ASTL: variants seen among roughly 807,000 people sequenced by gnomAD.
ASTL encodes astacin-like metalloendopeptidase.
In ASTL, 27 loss-of-function variants were observed where a neutral mutation model predicts 36.7. The observed-to-expected ratio is 0.73, with a 90% confidence interval of 0.54 to 1.01. The LOEUF (loss-of-function observed/expected upper bound fraction) is 1.01. Ranked by LOEUF, ASTL falls within the 50% of genes least tolerant of loss-of-function variation. The pLI is 0.00. For synonymous variants in ASTL, 222 were observed against 228.1 expected (o/e 0.97, Z 0.24); for missense variants, 524 against 572.8 (o/e 0.91, Z 0.87).
At chr2:96,125,475 CA>C (rs925840591) in intron 8 of ASTL, among the ~76,000 whole-genome samples, 1 of 152,116 alleles carries the variant, frequency 6.6e-6, no homozygotes, top group Non-Finnish European at 1.5e-5. Context: ...AGCCTTTTTC[CA>C]AACATTCTGG....
At chr2:96,133,635 CA>C in intron 4 of ASTL, 93 bp from the exon 5 acceptor site, 1 of 924,892 alleles carries the variant, frequency 1.1e-6, no homozygotes, top group Non-Finnish European at 1.8e-6. Flanking sequence ...CTCACTCTCC[CA>C]AAATAGCATC....
intron 1 of ASTL, 116 bp from the exon 2 acceptor site, chr2:96,137,816 G>T: frequency 9.2e-7 from 1 of 1,088,544 alleles, no homozygotes; most frequent in Non-Finnish European, 1.3e-6. Context: ...TCCCTAGGAA[G>T]AGTAGGCTCC....
intron 5 of ASTL, among the ~76,000 whole-genome samples, 174 bp downstream of exon 5, chr2:96,133,251 C>A (rs1048911561): frequency 6.6e-6 from 1 of 152,224 alleles, no homozygotes; most frequent in Non-Finnish European, 1.5e-5. Context: ...GTTCCCATCC[C>A]TTTCCCACAT....
upstream of ASTL, chr2:96,138,516 C>T (rs1682354161): frequency 8.1e-7 from 1 of 1,227,740 alleles, no homozygotes; most frequent in Non-Finnish European, 1.2e-6. Flanking sequence ...ACCGGCACCA[C>T]CACCCCCTCT....
At chr2:96,125,944 AAAAGTGTAGGGG>A (rs1016471103) in intron 8 of ASTL, among the ~76,000 whole-genome samples, 1 of 152,184 alleles carries the variant, frequency 6.6e-6, no homozygotes, top group African/African-American at 2.4e-5. Context: ...GTACAGTAAA[AAAAGTGTAGGGG>A]AAAGAATGGT....
At chr2:96,125,529 G>T (rs1682048124) in intron 8 of ASTL, among the ~76,000 whole-genome samples, 1 of 152,018 alleles carries the variant, frequency 6.6e-6, no homozygotes, top group Non-Finnish European at 1.5e-5. Context: ...CCTCCAGCAG[G>T]TCATGGTTCC....
At chr2:96,131,942 C>T (rs936494389) in intron 6 of ASTL, among the ~76,000 whole-genome samples, 9 of 152,196 alleles carry the variant, frequency 5.9e-5, no homozygotes, top group African/African-American at 1.7e-4. Flanking sequence ...TGATCCCCGG[C>T]GCCACACAGC....
intron 8 of ASTL, among the ~76,000 whole-genome samples, chr2:96,125,895 C>T (rs1276944293): frequency 6.6e-6 from 1 of 152,110 alleles, no homozygotes; most frequent in Non-Finnish European, 1.5e-5. Flanking sequence ...AATTTCTCAC[C>T]ACATCTGTCC....
At chr2:96,135,524 A>T in intron 2 of ASTL, 112 bp from the exon 3 acceptor site, 4 of 905,222 alleles carry the variant, frequency 4.4e-6, no homozygotes, top group Middle Eastern at 2.3e-4. Flanking sequence ...TTCCTAGTGG[A>T]TTGTTACTTT....
intron 6 of ASTL, among the ~76,000 whole-genome samples, chr2:96,131,121 G>T (rs112208352): frequency 6.6e-6 from 1 of 152,182 alleles, no homozygotes; most frequent in Non-Finnish European, 1.5e-5. Context: ...ATAATTATTA[G>T]TGCTGTTTTC....
intron 8 of ASTL, among the ~76,000 whole-genome samples, chr2:96,125,029 C>G (rs1682037116): frequency 6.6e-6 from 1 of 152,204 alleles, no homozygotes; most frequent in South Asian, 2.1e-4. Flanking sequence ...TGGGGGCCAC[C>G]CTCCACAGTA....
rs1442943522 is a variant in ASTL at position 96,138,431 on chromosome 2, C to T, written c.6G>A (p.Glu2=). 1.2e-6 allele frequency: 2 copies of T among 1,610,126 alleles called. No homozygotes were observed. The highest frequency in any genetic ancestry group is 2.2e-5 in the East Asian group (1 of 44,814). The change falls in exon 1 of 9, where the codon GAG becomes GAA. Residue 2 remains glutamate (E), a synonymous_variant. Coordinates refer to ENST00000342380, the MANE Select transcript of ASTL (RefSeq NM_001002036.4). M[E]GVGGLWPWVL... is the part of the protein sequence containing the mutation. Reference sequence around the variant, plus strand: ...CCCAAGGCCAGAGACCCCCTACACCCTCCATGGTAGAGCCCTGCTGCCCCT... The same window carrying T: ...CCCAAGGCCAGAGACCCCCTACACCTTCCATGGTAGAGCCCTGCTGCCCCT...
chr2:96,130,288 G>A (rs974065352), intron 6 of ASTL, 143 bp from the exon 7 acceptor site: 9 of 682,512 alleles, frequency 1.3e-5, no homozygotes, highest in Non-Finnish European at 2.1e-5. Context: ...GCTGCTTCTG[G>A]TACCAGTCCC....
At position 96,123,800 on chromosome 2, in the gene ASTL, C is replaced by A. The variant is rs746242248; in HGVS notation, c.*50G>T. The A allele has an allele frequency of 1.4e-5, 22 of 1,520,170 alleles. No homozygotes were observed. The South Asian group carries it at 2.3e-4, about 16-fold the overall frequency. 94.2% of individuals were successfully genotyped at this position (1,520,170 alleles called of 1,614,324 possible). A position where few individuals can be genotyped will look rare whatever the true frequency, so the allele number is the denominator to read the frequency against. Reference sequence around the variant, plus strand: ...AGGAGCCAAGAGGTAGACGACCCAGCTCCACTGGGCAGAGGATGCCCTCCC... The same window carrying A: ...AGGAGCCAAGAGGTAGACGACCCAGATCCACTGGGCAGAGGATGCCCTCCC... On this transcript the variant is annotated 3_prime_UTR_variant, in exon 9 of 9. Coordinates refer to ENST00000342380, the MANE Select transcript of ASTL (RefSeq NM_001002036.4).
chr2:96,132,126 C>G lies in ASTL; in HGVS notation c.637+414G>C, dbSNP rs1286189505. ...CTTGTGCAGCCTGCTACCTTGGGGT[C>G]CCACTTTGGCTCAGCTCCCCAAGCT... On this transcript the variant is annotated intron_variant, in intron 6 of 8. Transcript: ENST00000342380. The surrounding 1 kb of genome is among the most constrained non-coding windows in gnomAD (Gnocchi z 5.4). 6.6e-6 allele frequency among the ~76,000 whole-genome samples: 1 copy of G among 152,226 alleles called. No individual in the cohort carries two copies. The highest frequency in any genetic ancestry group is 1.5e-5 in the Non-Finnish European group (1 of 68,038).
At chr2:96,133,843 G>A (rs1037808960) in intron 4 of ASTL, 122 bp downstream of exon 4, 4 of 735,780 alleles carry the variant, frequency 5.4e-6, no homozygotes, top group African/African-American at 5.2e-5. Flanking sequence ...TCTGTGGACA[G>A]GTTCTTCGGG....
intron 8 of ASTL, among the ~76,000 whole-genome samples, chr2:96,125,795 T>G (rs1682051880): frequency 6.6e-6 from 1 of 152,106 alleles, no homozygotes; most frequent in South Asian, 2.1e-4. Context: ...ATACAAAACG[T>G]AGCCAGCATG....
rs772556539 is a variant in ASTL, at chr2:96,124,034, C to G, written c.1112G>C (p.Arg371Thr). ...GGGGGCACCTGCTCCAGGCCTTGAT[C>G]TTGGGGAGGAAGCTAGGGTCTGAGG... Reference protein sequence around the residue: ...RQPQTLASSPRSRPGAGAPGV... With the variant: ...RQPQTLASSPTSRPGAGAPGV... The change falls in exon 9 of 9, where the codon AGA (arginine) becomes ACA (threonine). Residue 371 changes from arginine (R) to threonine (T), a missense_variant. Coordinates refer to ENST00000342380, the MANE Select transcript of ASTL (RefSeq NM_001002036.4). The surrounding 1 kb of genome is among the most constrained non-coding windows in gnomAD (Gnocchi z 4.1). 8.7e-6 allele frequency: 14 copies of G among 1,613,872 alleles called. No individual in the cohort carries two copies. The highest frequency in any genetic ancestry group is 1.2e-5 in the Non-Finnish European group (14 of 1,179,972).
chr2:96,128,140 G>T (rs767382267), intron 8 of ASTL, among the ~76,000 whole-genome samples: 21 of 151,302 alleles, frequency 1.4e-4, no homozygotes, highest in Non-Finnish European at 2.6e-4. Context: ...GCTGACGCAG[G>T]AGAATCACTT....
Sources: allele counts gnomAD v4.1 joint callset (sites outside exome capture counted in the v4.1 genomes callset), GRCh38; gene constraint gnomAD v4.1.1; non-coding constraint Gnocchi (gnomAD v3.1); transcripts MANE v1.5; gene names NCBI Gene and HGNC (gene_info 2026-07-23, HGNC 2026-07-21).